Variants in FRMPD1 observed in about 807,000 individuals in gnomAD.
FRMPD1 encodes FERM and PDZ domain containing 1.
FRMPD1 carries 76 observed loss-of-function variants against 117.8 expected under a neutral mutation model. The observed-to-expected ratio is 0.65, with a 90% CI of 0.54 to 0.78. The LOEUF is 0.78. Among genes scored for constraint, FRMPD1 ranks in the 30% least tolerant of loss-of-function variants. The pLI, the probability that FRMPD1 is intolerant of heterozygous loss-of-function variation, is 0.00. For synonymous variants in FRMPD1, 783 were observed against 770.4 expected, an observed-to-expected ratio of 1.02 and a Z score of -0.27; for missense variants, 1,786 against 1,964.5, an observed-to-expected ratio of 0.91 and a Z score of 1.72.
At position 37,740,326 on chromosome 9, in the gene FRMPD1, T is replaced by C. The variant is rs1423338893; in HGVS notation, c.1798T>C (p.Tyr600His). The change falls in exon 15 of 16, where the codon TAC becomes CAC. Residue 600 changes from tyrosine (Y) to histidine (H), a missense_variant. Physicochemically the swap from Tyr to His is moderately conservative, Grantham distance 83 (BLOSUM62 2). Transcript: ENST00000377765. This position sits in a 1 kb window ranked among gnomAD's most constrained non-coding sequence, Gnocchi z 4.2. ...CTCAGCCAACACTGAGAGCCGCGGC[T>C]ACAGGACCAGTGGCTCGAGTGAGTC... The part of the protein sequence containing the change: ...SDSANTESRG[Y>H]RTSGSSESMD... 2 of 1,613,838 alleles carry C rather than the reference T, an allele frequency of 1.2e-6. No individual in the cohort carries two copies. Among genetic ancestry groups the C allele is most frequent in the Admixed American group, 1.7e-5 (1 of 60,026 alleles).
At chr9:37,731,586 T>C (rs1371617495) in intron 9 of FRMPD1, among the ~76,000 whole-genome samples, 1 of 152,136 alleles carries the variant, frequency 6.6e-6, no homozygotes, top group African/African-American at 2.4e-5. Flanking sequence ...AAATAATCAT[T>C]TGGAGCCGGG....
intron 9 of FRMPD1, 138 bp from the exon 10 acceptor site, chr9:37,732,166 C>T: frequency 2.5e-6 from 2 of 813,832 alleles, no homozygotes; most frequent in East Asian, 2.5e-5. Flanking sequence ...GGTAACTTAA[C>T]CAAGGTCACA....
At chr9:37,709,532 G>A (rs776652535) in intron 4 of FRMPD1, among the ~76,000 whole-genome samples, 2 of 151,772 alleles carry the variant, frequency 1.3e-5, no homozygotes, top group Non-Finnish European at 2.9e-5. Context: ...TCCAGCCTGG[G>A]TGACAGAACA....
In FRMPD1 at chr9:37,740,056, G is replaced by A; in HGVS notation, c.1550-22G>A. On this transcript the variant is annotated intron_variant, in intron 14 of 15. Transcript: ENST00000377765. The surrounding 1 kb of genome is among the most constrained non-coding windows in gnomAD (Gnocchi z 4.2). ...GGTAGGAGAATTCTGTTGTGTAACT[G>A]TTGCTGTACCCTGTGTTGCAGGCTA... 6.5e-7 allele frequency: 1 copy of A among 1,527,082 alleles called. No individual in the cohort carries two copies. Among genetic ancestry groups the A allele is most frequent in the Non-Finnish European group, 8.9e-7 (1 of 1,122,656 alleles). The allele number at this position is 1,527,082 out of a possible 1,614,324, so 94.6% of individuals were successfully genotyped here.
At chr9:37,620,867 T>C in the FRMPD1 span, among the ~76,000 whole-genome samples, 9 of 152,214 alleles carry the variant, frequency 5.9e-5, no homozygotes, top group Non-Finnish European at 1.2e-4. Context: ...AATAGCATTT[T>C]GAAGAAACTA....
In FRMPD1 at chr9:37,746,287, C is replaced by G. The variant is rs1452852490; in HGVS notation, c.4255C>G (p.Pro1419Ala). The stretch of plus-strand genomic sequence containing the variant: ...GCTGAAAGCCACCCCTGCCAGCACC[C>G]CTGAGGGCTTCATCCAACTCATGGA... ...RQLKATPAST[P>A]EGFIQLMESL... The change falls in exon 16 of 16, where the codon CCT becomes GCT. Residue 1419 changes from proline to alanine, a missense_variant. Pro to Ala is a conservative substitution (Grantham distance 27). Transcript: ENST00000377765. 1.9e-6 allele frequency: 3 copies of G among 1,612,664 alleles called. No individual in the cohort carries two copies. Among genetic ancestry groups the G allele is most frequent in the Non-Finnish European group, 2.5e-6 (3 of 1,179,808 alleles).
At chr9:37,634,988 C>T in the FRMPD1 span, among the ~76,000 whole-genome samples, 6 of 152,082 alleles carry the variant, frequency 3.9e-5, no homozygotes, top group Admixed American at 6.5e-5. Context: ...TTATTATGTC[C>T]TCCACTTGAC....
At chr9:37,659,891 GTT>G (rs1820945065) in intron 1 of FRMPD1, among the ~76,000 whole-genome samples, 1 of 130,046 alleles carries the variant, frequency 7.7e-6, no homozygotes, top group Admixed American at 8.3e-5. Flanking sequence ...GCGCTGCTTT[GTT>G]TGCAGTTGAC....
At chr9:37,705,770 G>A (rs1392433541) in intron 2 of FRMPD1, among the ~76,000 whole-genome samples, 2 of 151,976 alleles carry the variant, frequency 1.3e-5, no homozygotes, top group Non-Finnish European at 2.9e-5. Context: ...GAGCTCAGAA[G>A]ATTGAGACCA....
Position 37,745,225 on chromosome 9 carries a change from C to T in FRMPD1, c.3193C>T (p.Gln1065Ter). 6.2e-7 allele frequency: 1 copy of T among 1,612,946 alleles called. No homozygotes were observed. Among genetic ancestry groups the T allele is most frequent in the Non-Finnish European group, 8.5e-7 (1 of 1,179,012 alleles). ...GGAATCTTTTTGTACAAATCATATA[C>T]AAGAAACTGCCCCCAAATACACAGA... ...GLESFCTNHI[Q>*]ETAPKYTEPL... The change falls in exon 16 of 16, where the codon CAA becomes TAA. Residue 1065 changes from glutamine (Q) to a stop codon, truncating the protein, a stop_gained. Coordinates refer to ENST00000377765, the MANE Select transcript of FRMPD1 (RefSeq NM_014907.3). LOFTEE classifies it low-confidence loss of function (END_TRUNC).
the FRMPD1 span, among the ~76,000 whole-genome samples, chr9:37,611,793 T>C: frequency 6.6e-6 from 1 of 152,348 alleles, no homozygotes; most frequent in Non-Finnish European, 1.5e-5. Context: ...CAGAGCTTAA[T>C]GCAGAGCTTG....
the FRMPD1 span, among the ~76,000 whole-genome samples, chr9:37,618,777 C>T: frequency 1.3e-5 from 2 of 152,332 alleles, no homozygotes; most frequent in East Asian, 1.9e-4. Flanking sequence ...AAAGCATCAT[C>T]TCTCTTTCGG....
chr9:37,671,623 G>A (rs376954015), intron 1 of FRMPD1, among the ~76,000 whole-genome samples: 2 of 152,284 alleles, frequency 1.3e-5, no homozygotes, highest in South Asian at 2.1e-4. Context: ...CACCGACCCC[G>A]AGTAGAGGTC....
chr9:37,657,938 A>C (rs1190305156), intron 1 of FRMPD1, among the ~76,000 whole-genome samples: 1 of 151,798 alleles, frequency 6.6e-6, no homozygotes, highest in African/African-American at 2.4e-5. Context: ...TGGTTATTAC[A>C]AAGTTCTTCA....
chr9:37,725,440 T>G (rs1285253602), intron 7 of FRMPD1, among the ~76,000 whole-genome samples: 1 of 152,150 alleles, frequency 6.6e-6, no homozygotes, highest in Non-Finnish European at 1.5e-5. Flanking sequence ...CACAGTACAT[T>G]CACACACATG....
chr9:37,674,565 A>G (rs1364498865), intron 1 of FRMPD1, among the ~76,000 whole-genome samples: 1 of 152,118 alleles, frequency 6.6e-6, no homozygotes, highest in Non-Finnish European at 1.5e-5. Context: ...AATTTACTGT[A>G]TTAGTCTGTT....
chr9:37,617,305 A>G, the FRMPD1 span, among the ~76,000 whole-genome samples: 1 of 152,180 alleles, frequency 6.6e-6, no homozygotes, highest in South Asian at 2.1e-4. Flanking sequence ...TGCTGGCTGG[A>G]GTGATGAGAA....
chr9:37,674,102 T>G lies in FRMPD1; in HGVS notation c.-4-18536T>G, dbSNP rs149672770. Among the ~76,000 whole-genome samples, 1,350 of 152,338 alleles carry G rather than the reference T, an allele frequency of 8.9e-3. 17 individuals are homozygous for G. The highest frequency in any genetic ancestry group is 0.031 in the African/African-American group (1,298 of 41,574). On this transcript the variant is annotated intron_variant, in intron 1 of 15. Coordinates refer to ENST00000377765, the MANE Select transcript of FRMPD1 (RefSeq NM_014907.3). ...TCTATTGCATCATCAGGCAGCAAATTTTCTGAACTTTTATACTCTGTTTCC... is the reference window on the plus strand; with the variant it reads ...TCTATTGCATCATCAGGCAGCAAATGTTCTGAACTTTTATACTCTGTTTCC...
intron 7 of FRMPD1, among the ~76,000 whole-genome samples, chr9:37,726,340 C>T (rs1472092500): frequency 6.6e-6 from 1 of 152,138 alleles, no homozygotes; most frequent in Non-Finnish European, 1.5e-5. Context: ...TCATTTGACC[C>T]AGTAAACATT....
Sources: allele counts gnomAD v4.1 joint callset (sites outside exome capture counted in the v4.1 genomes callset), GRCh38; gene constraint gnomAD v4.1.1; non-coding constraint Gnocchi (gnomAD v3.1); transcripts MANE v1.5; gene names NCBI Gene and HGNC (gene_info 2026-07-23, HGNC 2026-07-21).